PARP9: variants seen among roughly 807,000 people sequenced by gnomAD.
PARP9 encodes poly(ADP-ribose) polymerase family member 9, also known as protein mono-ADP-ribosyltransferase PARP9.
PARP9 carries 48 observed loss-of-function variants against 68.8 expected under a neutral mutation model. The observed-to-expected ratio is 0.70, with a 90% CI of 0.55 to 0.89. The LOEUF (loss-of-function observed/expected upper bound fraction) is 0.89, where lower values mean the gene tolerates loss of function less well. Ranked by LOEUF, PARP9 falls within the 40% of genes least tolerant of loss-of-function variation. PARP9 has a pLI of 0.00. For synonymous variants in PARP9, 309 were observed against 333.8 expected (o/e 0.93, Z 0.81); for missense variants, 806 against 969.3 (o/e 0.83, Z 2.24).
At chr3:122,533,889 A>G in intron 10 of PARP9, 1 of 985,490 alleles carries the variant, frequency 1.0e-6, no homozygotes, top group Non-Finnish European at 1.2e-6. Flanking sequence ...AATTTGGAAT[A>G]TTGCACGGCT....
rs1450691074 is a variant in PARP9, at chr3:122,528,701, T to C, written c.2123A>G (p.Lys708Arg). The part of the protein sequence containing the change: ...GAGIYFTKNL[K>R]NLAEKAKKIS... ...TTTCTTGGCCTTCTCTGCCAGGTTT[T>C]TGAGGTTCTTGGTGAAGTATATGCC... is the stretch of plus-strand genomic sequence containing the variant. The change falls in exon 11 of 11, where the codon AAA becomes AGA. Residue 708 changes from lysine (K) to arginine (R), a missense_variant. This residue lies in a region of PARP9 where 680 missense variants were observed against 858.8 expected (regional missense o/e 0.79). Transcript: ENST00000682323. 2 of 1,613,848 alleles carry C rather than the reference T, an allele frequency of 1.2e-6. No homozygotes were observed. Among genetic ancestry groups the C allele is most frequent in the South Asian group, 2.2e-5 (2 of 91,044 alleles).
intron 5 of PARP9, among the ~76,000 whole-genome samples, chr3:122,551,784 A>T (rs754056663): frequency 1.3e-5 from 2 of 152,256 alleles, no homozygotes; most frequent in Non-Finnish European, 2.9e-5. Context: ...TTGCCTACTT[A>T]GGAAAAGGCC....
chr3:122,544,873 T>C (rs1559837313), intron 7 of PARP9, among the ~76,000 whole-genome samples: 3 of 152,088 alleles, frequency 2.0e-5, no homozygotes, highest in Admixed American at 1.3e-4. Context: ...CAAAATTGAC[T>C]AGGGAGCATT....
chr3:122,531,101 C>T (rs751120249), intron 10 of PARP9, among the ~76,000 whole-genome samples: 3 of 151,934 alleles, frequency 2.0e-5, no homozygotes, highest in Non-Finnish European at 4.4e-5. Context: ...CTTTGAAATC[C>T]GGTGTGTATT....
At position 122,546,995 on chromosome 3, in the gene PARP9, T is replaced by C. The variant is rs1256094915; in HGVS notation, c.1327-1506A>G. 1.2e-4 allele frequency among the ~76,000 whole-genome samples: 11 copies of C among 93,486 alleles called. 1 individual carries two copies. The highest frequency in any genetic ancestry group is 4.4e-4 in the East Asian group (1 of 2,272). The allele number at this position is 93,486 out of a possible 152,430, so 61.3% of individuals were successfully genotyped here. A position where few individuals can be genotyped will look rare whatever the true frequency, so the allele number is the denominator to read the frequency against. ...ATATATATATATATATATATATATA[T>C]ATATATATATATATATATACACACA... is the stretch of plus-strand genomic sequence containing the variant. On this transcript the variant is annotated intron_variant, in intron 6 of 10. Coordinates refer to ENST00000682323, the MANE Select transcript of PARP9 (RefSeq NM_001146105.2).
chr3:122,534,351 C>G (rs2077494507), intron 10 of PARP9: 1 of 985,238 alleles, frequency 1.0e-6, no homozygotes, highest in Admixed American at 6.2e-5. Context: ...AGCCAAGGGC[C>G]ACAATATATA....
intron 6 of PARP9, among the ~76,000 whole-genome samples, chr3:122,547,100 G>T (rs1165387367): frequency 8.6e-6 from 1 of 116,018 alleles, no homozygotes; most frequent in Non-Finnish European, 1.9e-5. Context: ...ATATATACAC[G>T]TATTTTTTTT....
intron 10 of PARP9, among the ~76,000 whole-genome samples, chr3:122,529,727 C>T (rs1252326997): frequency 6.9e-6 from 1 of 145,480 alleles, no homozygotes; most frequent in Non-Finnish European, 1.5e-5. Flanking sequence ...GCACTCCAGC[C>T]TGGGCAACAC....
Position 122,528,215 on chromosome 3 carries a change from T to C in PARP9, c.*149A>G, listed in dbSNP as rs1183459083. ...AAGACAGATAAAGGCACTAAGATGC[T>C]AGTATGTGGCTAGTCCTTTCAATAA... On this transcript the variant is annotated 3_prime_UTR_variant, in exon 11 of 11. Coordinates refer to ENST00000682323, the MANE Select transcript of PARP9 (RefSeq NM_001146105.2). The C allele has an allele frequency of 1.7e-5, 17 of 995,414 alleles. No individual in the cohort carries two copies. Among genetic ancestry groups the C allele is most frequent in the Non-Finnish European group, 2.4e-5 (16 of 680,580 alleles). 61.7% of individuals were successfully genotyped at this position (995,414 alleles called of 1,614,324 possible).
In PARP9 at chr3:122,542,671, G is replaced by T. The variant is rs552874394; in HGVS notation, c.1385-1819C>A. ...ATTTTTGTACTTTTAGTAGAGATGG[G>T]GTTTCACCATGTTGGCCAGGCTGGT... On this transcript the variant is annotated intron_variant, in intron 7 of 10. Coordinates refer to ENST00000682323, the MANE Select transcript of PARP9 (RefSeq NM_001146105.2). Among the ~76,000 whole-genome samples the T allele has an allele frequency of 5.3e-5, 8 of 151,800 alleles. No individual in the cohort carries two copies. In the East Asian group the frequency reaches 1.6e-3, roughly 30 times the overall value.
Position 122,528,582 on chromosome 3 carries a change from G to A in PARP9, c.2242C>T (p.Pro748Ser). The A allele has an allele frequency of 1.9e-6, 3 of 1,614,198 alleles. No individual in the cohort carries two copies. Among genetic ancestry groups the A allele is most frequent in the Non-Finnish European group, 2.5e-6 (3 of 1,180,038 alleles). ...QGHPLNIVPP[P>S]LSPGAIDGHD... ...CCATCTATAGCTCCAGGACTCAGTGGTGGGGGAACAATATTTAACGGATGT... is the reference window on the plus strand; with the variant it reads ...CCATCTATAGCTCCAGGACTCAGTGATGGGGGAACAATATTTAACGGATGT... The change falls in exon 11 of 11, where the codon CCA (proline) becomes TCA (serine). Residue 748 changes from proline (P) to serine (S), a missense_variant. Pro to Ser is a moderately conservative substitution (Grantham distance 74). Transcript: ENST00000682323.
In PARP9 at chr3:122,536,285, T is replaced by G. The variant is rs753195242; in HGVS notation, c.1963A>C (p.Met655Leu). ...MAAFQRKKKM[M>L]EEKLHRQPVS... is the part of the protein sequence containing the mutation. Reference sequence around the variant, plus strand: ...GGTTGCCTGTGCAGTTTTTCTTCCATCATTTTCTTCTTTCTTTGAAAGGCA... The same window carrying G: ...GGTTGCCTGTGCAGTTTTTCTTCCAGCATTTTCTTCTTTCTTTGAAAGGCA... Residue 655 changes from methionine (M) to leucine (L), a missense_variant, in exon 10 of 11, where the codon ATG (methionine) becomes CTG (leucine). Physicochemically the swap from Met to Leu is conservative, Grantham distance 15. Transcript: ENST00000682323. 2 of 1,614,214 alleles carry G rather than the reference T, an allele frequency of 1.2e-6. No individual in the cohort carries two copies. The highest frequency in any genetic ancestry group is 1.7e-6 in the Non-Finnish European group (2 of 1,180,034).
Position 122,555,764 on chromosome 3 carries a change from C to A in PARP9, c.407G>T (p.Arg136Ile). 1 of 1,614,090 alleles carries A rather than the reference C, an allele frequency of 6.2e-7. No individual in the cohort carries two copies. Among genetic ancestry groups the A allele is most frequent in the South Asian group, 1.1e-5 (1 of 91,078 alleles). Residue 136 changes from arginine to isoleucine, a missense_variant, in exon 4 of 11, where the codon AGA becomes ATA. By Grantham distance (97) the Arg-to-Ile change is moderately conservative (BLOSUM62 -3). This residue lies in a region of PARP9 where 680 missense variants were observed against 858.8 expected (regional missense o/e 0.79). Coordinates refer to ENST00000682323, the MANE Select transcript of PARP9 (RefSeq NM_001146105.2). ...IQEESKQFVA[R>I]YGKVSAGEIA... Reference sequence around the variant, plus strand: ...CTCACCAGCTGACACTTTACCATATCTGGCAACAAACTGTTTGCTCTCTTC... The same window carrying A: ...CTCACCAGCTGACACTTTACCATATATGGCAACAAACTGTTTGCTCTCTTC...
At chr3:122,547,525 G>C (rs1239190391) in intron 6 of PARP9, among the ~76,000 whole-genome samples, 1 of 152,098 alleles carries the variant, frequency 6.6e-6, no homozygotes, top group Non-Finnish European at 1.5e-5. Context: ...TTTTCTAGAT[G>C]TGGTTAATTC....
At chr3:122,564,085 G>T in intron 1 of PARP9, 160 bp downstream of exon 1, 1 of 291,294 alleles carries the variant, frequency 3.4e-6, no homozygotes, top group Non-Finnish European at 6.4e-6. Context: ...GAGTTACAAA[G>T]AATAAGAAAC....
chr3:122,535,922 G>A (rs3817040), intron 10 of PARP9: 211,563 of 1,385,604 alleles, frequency 0.15, 17,167 homozygotes, highest in East Asian at 0.34. Context: ...ACAGTGAACC[G>A]TAGTTCTTAC....
At position 122,528,373 on chromosome 3, in the gene PARP9, A is replaced by G. The variant is rs1576364872; in HGVS notation, c.2451T>C (p.Pro817=). 1.9e-6 allele frequency: 3 copies of G among 1,612,466 alleles called. No individual in the cohort carries two copies. In the East Asian group the frequency reaches 6.7e-5, roughly 36 times the overall value. ...TAAAATGATGTAGAGATTAATCAACAGGGCTGCCACTTGCGAATCCCCTCC... is the reference window on the plus strand; with the variant it reads ...TAAAATGATGTAGAGATTAATCAACGGGGCTGCCACTTGCGAATCCCCTCC... ...HPWRGFASGS[P]VD The change falls in exon 11 of 11, where the codon CCT becomes CCC. Residue 817 remains proline, a synonymous_variant. Coordinates refer to ENST00000682323, the MANE Select transcript of PARP9 (RefSeq NM_001146105.2).
At chr3:122,541,107 G>C (rs1376080428) in intron 7 of PARP9, among the ~76,000 whole-genome samples, 1 of 152,150 alleles carries the variant, frequency 6.6e-6, no homozygotes, top group Non-Finnish European at 1.5e-5. Flanking sequence ...AGCCGGGATG[G>C]TCTCAATCTC....
At chr3:122,542,823 A>G (rs1437764572) in intron 7 of PARP9, among the ~76,000 whole-genome samples, 1 of 152,148 alleles carries the variant, frequency 6.6e-6, no homozygotes, top group South Asian at 2.1e-4. Context: ...CAAAGCGAGC[A>G]CTATTCTTCT....
Sources: gnomAD v4.1 joint callset for allele counts (sites outside exome capture counted in the v4.1 genomes callset) on GRCh38, gnomAD v4.1.1 for gene constraint, gnomAD v4.1.1 regional missense constraint, MANE v1.5 for transcripts, NCBI Gene and HGNC (gene_info 2026-07-23, HGNC 2026-07-21) for gene names.